The following LRFN5 variants were observed in gnomAD, a reference collection of about 807,000 sequenced individuals.
LRFN5 encodes the protein leucine-rich repeat and fibronectin type-III domain-containing protein 5.
A neutral mutation model predicts 45.6 loss-of-function variants in LRFN5; 24 were observed. That is an observed-to-expected ratio of 0.53 (90% CI 0.38 to 0.74). LRFN5 has a LOEUF of 0.74. Ranked by LOEUF, LRFN5 falls within the 30% of genes least tolerant of loss-of-function variation. The pLI, the probability that LRFN5 is intolerant of heterozygous loss-of-function variation, is 0.00. For missense variants in LRFN5, 776 were observed against 861.5 expected, an observed-to-expected ratio of 0.90 and a Z score of 1.24; for synonymous variants, 340 against 313.8, an observed-to-expected ratio of 1.08 and a Z score of -0.88.
chr14:41,882,017 A>G (rs1488014875), intron 2 of LRFN5, among the ~76,000 whole-genome samples: 1 of 151,978 alleles, frequency 6.6e-6, no homozygotes, highest in Non-Finnish European at 1.5e-5. Context: ...TTGCTTCTTC[A>G]AGTTTTTATG....
At chr14:41,640,829 G>A (rs78781638) in intron 1 of LRFN5, among the ~76,000 whole-genome samples, 3,328 of 151,908 alleles carry the variant, frequency 0.022, 110 homozygotes, top group African/African-American at 0.072. Context: ...ATAATTTCAC[G>A]CTTCTGTCTT....
At chr14:41,611,629 A>AT (rs1217253515) in intron 1 of LRFN5, among the ~76,000 whole-genome samples, 1 of 152,128 alleles carries the variant, frequency 6.6e-6, no homozygotes, top group African/African-American at 2.4e-5. Flanking sequence ...TCTTTTAGTC[A>AT]TTTTTTTCCC....
At chr14:41,732,510 T>C (rs1884223260) in intron 1 of LRFN5, among the ~76,000 whole-genome samples, 1 of 152,128 alleles carries the variant, frequency 6.6e-6, no homozygotes, top group South Asian at 2.1e-4. Flanking sequence ...GTTACAGGCT[T>C]AAATAAGACA....
chr14:41,793,442 T>A (rs1740251156), intron 2 of LRFN5, among the ~76,000 whole-genome samples: 2 of 152,088 alleles, frequency 1.3e-5, no homozygotes, highest in African/African-American at 4.8e-5. Flanking sequence ...ATTGTAACTT[T>A]TGGAATATAA....
intron 1 of LRFN5, among the ~76,000 whole-genome samples, chr14:41,740,135 G>A (rs148968436): frequency 1.3e-3 from 203 of 152,052 alleles, no homozygotes; most frequent in Non-Finnish European, 2.2e-3. Flanking sequence ...ACTAATATCA[G>A]TCCTTCTCAA....
At chr14:41,762,687 T>G (rs12436875) in intron 1 of LRFN5, among the ~76,000 whole-genome samples, 7,018 of 152,164 alleles carry the variant, frequency 0.046, 429 homozygotes, top group East Asian at 0.19. Flanking sequence ...ATTTCCTATC[T>G]TATAACCTCA....
At chr14:41,693,092 A>T (rs1313213963) in intron 1 of LRFN5, among the ~76,000 whole-genome samples, 2 of 152,038 alleles carry the variant, frequency 1.3e-5, no homozygotes, top group Non-Finnish European at 2.9e-5. Flanking sequence ...TCACTGATGA[A>T]TTTTTATATT....
At chr14:41,798,349 C>T (rs1028974309) in intron 2 of LRFN5, among the ~76,000 whole-genome samples, 1 of 151,976 alleles carries the variant, frequency 6.6e-6, no homozygotes, top group Admixed American at 6.6e-5. Flanking sequence ...TGATTAGAAT[C>T]CAGGATTTAT....
chr14:41,731,561 T>G (rs1290676429), intron 1 of LRFN5, among the ~76,000 whole-genome samples: 1 of 152,136 alleles, frequency 6.6e-6, no homozygotes, highest in Non-Finnish European at 1.5e-5. Context: ...TTATGCAGTC[T>G]TGCATCAGAT....
intron 1 of LRFN5, among the ~76,000 whole-genome samples, chr14:41,647,187 C>A (rs961653327): frequency 6.6e-6 from 1 of 152,114 alleles, no homozygotes; most frequent in Non-Finnish European, 1.5e-5. Context: ...ATTTGGATAA[C>A]ATACATAGAT....
At chr14:41,778,333 G>A (rs2138910144) in intron 2 of LRFN5, among the ~76,000 whole-genome samples, 1 of 151,754 alleles carries the variant, frequency 6.6e-6, no homozygotes, top group South Asian at 2.1e-4. Flanking sequence ...TAATTTGTGT[G>A]AGCTTATGCA....
intron 1 of LRFN5, among the ~76,000 whole-genome samples, chr14:41,761,321 G>C (rs972378564): frequency 2.6e-5 from 4 of 151,290 alleles, no homozygotes; most frequent in Non-Finnish European, 5.9e-5. Context: ...GGAAGAAATG[G>C]GGGATACAGG....
rs1003403233 is a variant in LRFN5 at position 41,700,892 on chromosome 14, G to A, written c.-196-65962G>A. On this transcript the variant is annotated intron_variant, in intron 1 of 5. Coordinates refer to ENST00000298119, the MANE Select transcript of LRFN5 (RefSeq NM_152447.5). ...GTTCTTGGTAACAGTAAAGATGATGGCTGTGGTGGTAGTGATTTTGAACAT... is the reference window on the plus strand; with the variant it reads ...GTTCTTGGTAACAGTAAAGATGATGACTGTGGTGGTAGTGATTTTGAACAT... 9 of 152,166 alleles carry A rather than the reference G, an allele frequency of 5.9e-5. No individual in the cohort carries two copies. The South Asian group carries it at 1.7e-3, about 28-fold the overall frequency. The allele number at this position is 152,166 out of a possible 1,614,324, so 9.4% of individuals were successfully genotyped here.
intron 2 of LRFN5, among the ~76,000 whole-genome samples, chr14:41,832,072 C>G (rs893263243): frequency 6.6e-6 from 1 of 152,094 alleles, no homozygotes; most frequent in African/African-American, 2.4e-5. Flanking sequence ...CTCTCCAAAC[C>G]CCATCTTCAA....
chr14:41,759,860 G>C (rs1275429977), intron 1 of LRFN5, among the ~76,000 whole-genome samples: 2 of 152,198 alleles, frequency 1.3e-5, no homozygotes, highest in Non-Finnish European at 2.9e-5. Context: ...CTAGTAAAGT[G>C]CTAAGATTGC....
intron 1 of LRFN5, among the ~76,000 whole-genome samples, chr14:41,714,045 C>T (rs1365520492): frequency 2.0e-5 from 3 of 152,062 alleles, no homozygotes; most frequent in South Asian, 2.1e-4. Context: ...AACATAACTA[C>T]ATGCATAAAT....
intron 2 of LRFN5, among the ~76,000 whole-genome samples, chr14:41,822,717 G>T (rs1304614555): frequency 6.6e-6 from 1 of 151,816 alleles, no homozygotes; most frequent in Non-Finnish European, 1.5e-5. Context: ...TTGCCTTGAC[G>T]GTCTCTCTAG....
At chr14:41,612,216 T>C (rs1887782007) in intron 1 of LRFN5, among the ~76,000 whole-genome samples, 3 of 152,142 alleles carry the variant, frequency 2.0e-5, no homozygotes, top group South Asian at 2.1e-4. Flanking sequence ...TCTAACAATA[T>C]TTCTGCCTCT....
At chr14:41,786,870 T>C (rs754244698) in intron 2 of LRFN5, among the ~76,000 whole-genome samples, 1 of 152,082 alleles carries the variant, frequency 6.6e-6, no homozygotes, top group Non-Finnish European at 1.5e-5. Flanking sequence ...TTTCTATCAC[T>C]GTCTTGACAT....
Sources: allele counts gnomAD v4.1 joint callset (sites outside exome capture counted in the v4.1 genomes callset), GRCh38; gene constraint gnomAD v4.1.1; transcripts MANE v1.5; gene names NCBI Gene and HGNC (gene_info 2026-07-23, HGNC 2026-07-21).